The following MAP3K12 variants were observed in gnomAD, a reference collection of about 807,000 sequenced individuals.
MAP3K12 encodes MAPK-upstream kinase.
In MAP3K12, 14 loss-of-function variants were observed where a neutral mutation model predicts 87.5. The ratio of observed to expected loss-of-function variants is 0.16; its 90% CI spans 0.11 to 0.25. The LOEUF (loss-of-function observed/expected upper bound fraction) is 0.25, where lower values mean the gene tolerates loss of function less well. Ranked by LOEUF, MAP3K12 falls within the 10% of genes least tolerant of loss-of-function variation. The pLI, the probability that MAP3K12 is intolerant of heterozygous loss-of-function variation, is 1.00. For missense variants in MAP3K12, 802 were observed against 1,140.4 expected (o/e 0.70, Z 4.27); for synonymous variants, 469 against 452.5 (o/e 1.04, Z -0.46).
At chr12:53,481,594 C>A in intron 13 of MAP3K12, 1 of 319,150 alleles carries the variant, frequency 3.1e-6, no homozygotes, top group Admixed American at 4.5e-5. Flanking sequence ...GTGATCCACC[C>A]GCCTCGGCCT....
At position 53,484,352 on chromosome 12, in the gene MAP3K12, G is replaced by T. The variant is rs1186325896; in HGVS notation, c.1153C>A (p.Arg385=). ...ATCTGTCGGAATGATGGGCGATTTC[G>T]TGGTTTGCTATTCCTGAAAGGAATG... The part of the protein sequence containing the change: ...LLRQCWNSKP[R]NRPSFRQILL... The change falls in exon 7 of 14, where the codon CGA becomes AGA. Residue 385 remains arginine, a synonymous_variant. Transcript: ENST00000547488. The T allele has an allele frequency of 6.2e-7, 1 of 1,614,048 alleles. No homozygotes were observed. The highest frequency in any genetic ancestry group is 1.3e-5 in the African/African-American group (1 of 75,024).
At position 53,486,148 on chromosome 12, in the gene MAP3K12, G is replaced by C. The variant is rs1339324488; in HGVS notation, c.729C>G (p.Pro243=). 1.1e-5 allele frequency: 17 copies of C among 1,614,052 alleles called. No individual in the cohort carries two copies. The highest frequency in any genetic ancestry group is 2.2e-5 in the East Asian group (1 of 44,894). ...CCATGGACCAGTCAACCAGTAAGGA[G>C]GGGGTGACAGGGCGGCCAGCCCGCA... The part of the protein sequence containing the change: ...EVLRAGRPVT[P]SLLVDWSMGI... The change falls in exon 4 of 14, where the codon CCC becomes CCG. Residue 243 remains proline, a synonymous_variant. Coordinates refer to ENST00000547488, the MANE Select transcript of MAP3K12 (RefSeq NM_001193511.2). This position sits in a 1 kb window ranked among gnomAD's most constrained non-coding sequence, Gnocchi z 4.9.
chr12:53,489,857 G>T (rs1943353189), intron 1 of MAP3K12, among the ~76,000 whole-genome samples: 1 of 152,148 alleles, frequency 6.6e-6, no homozygotes, highest in Non-Finnish European at 1.5e-5. Context: ...GATTTGTAAA[G>T]CTCTAACCCA....
Position 53,481,682 on chromosome 12 carries a change from G to T in MAP3K12, c.2580+259C>A, listed in dbSNP as rs561735118. The T allele has an allele frequency of 2.2e-5, 10 of 453,856 alleles. No homozygotes were observed. The East Asian group carries it at 3.9e-4, about 18-fold the overall frequency. The allele number at this position is 453,856 out of a possible 1,614,324, so 28.1% of individuals were successfully genotyped here. A position where few individuals can be genotyped will look rare whatever the true frequency, so the allele number is the denominator to read the frequency against. On this transcript the variant is annotated intron_variant, in intron 13 of 13. Coordinates refer to ENST00000547488, the MANE Select transcript of MAP3K12 (RefSeq NM_001193511.2). ...GTTTTATTCCTTCCAGATTTCAGTT[G>T]CTCAGGCCATTCTCCAAGGTGTCAG...
intron 1 of MAP3K12, among the ~76,000 whole-genome samples, chr12:53,497,571 T>G (rs115846710): frequency 6.6e-6 from 1 of 152,166 alleles, no homozygotes; most frequent in Non-Finnish European, 1.5e-5. Flanking sequence ...CAGGCCCTCA[T>G]GAAGCCCCTA....
intron 1 of MAP3K12, among the ~76,000 whole-genome samples, chr12:53,492,345 G>A (rs1234010596): frequency 6.6e-6 from 1 of 152,180 alleles, no homozygotes; most frequent in African/African-American, 2.4e-5. Context: ...CATCACAAGG[G>A]AACCATGGCT....
chr12:53,497,401 C>A (rs1943565805), intron 1 of MAP3K12, among the ~76,000 whole-genome samples: 1 of 152,116 alleles, frequency 6.6e-6, no homozygotes, highest in Admixed American at 6.5e-5. Context: ...AAAAAAAAGA[C>A]CAAAGAATGA....
In MAP3K12 at chr12:53,487,212, C is replaced by G; in HGVS notation, c.180G>C (p.Gly60=). The G allele has an allele frequency of 1.2e-6, 2 of 1,613,214 alleles. No individual in the cohort carries two copies. The highest frequency in any genetic ancestry group is 1.7e-6 in the Non-Finnish European group (2 of 1,179,616). Residue 60 remains glycine, a synonymous_variant, in exon 2 of 14, where the codon GGG becomes GGC. Transcript: ENST00000547488. Reference sequence around the variant, plus strand: ...CACCTGGGGAGGGGCTGGGCCCTCCCCCACCCTGCCCACCAAGGGGTACCA... The same window carrying G: ...CACCTGGGGAGGGGCTGGGCCCTCCGCCACCCTGCCCACCAAGGGGTACCA... ...RDVVPLGGQG[G]GGPSPSPGGE...
Position 53,483,830 on chromosome 12 carries a change from C to T in MAP3K12, c.1358+81G>A, listed in dbSNP as rs79893253. On this transcript the variant is annotated intron_variant, in intron 8 of 13. Transcript: ENST00000547488. ...ACAGTCCTTTCGTAGTCCTTCCACCCGCCCTGGGGCTGGGTAGGAGCTGAC... is the reference window on the plus strand; with the variant it reads ...ACAGTCCTTTCGTAGTCCTTCCACCTGCCCTGGGGCTGGGTAGGAGCTGAC... 2.7e-5 allele frequency: 43 copies of T among 1,610,306 alleles called. 1 individual carries two copies. Among genetic ancestry groups the T allele is most frequent in the Middle Eastern group, 3.4e-4 (2 of 5,884 alleles).
rs1365965773 is a variant in MAP3K12 at position 53,483,123 on chromosome 12, A to G, written c.1680T>C (p.Leu560=). 6.6e-7 allele frequency: 1 copy of G among 1,521,144 alleles called. No homozygotes were observed. Among genetic ancestry groups the G allele is most frequent in the South Asian group, 1.3e-5 (1 of 75,396 alleles). 94.2% of individuals were successfully genotyped at this position (1,521,144 alleles called of 1,614,324 possible). A position where few individuals can be genotyped will look rare whatever the true frequency, so the allele number is the denominator to read the frequency against. Residue 560 remains leucine (L), a synonymous_variant, in exon 11 of 14, where the codon CTT becomes CTC. Transcript: ENST00000547488. ...AGGGGGGGCCCTTAGGACACCCAGG[A>G]AGCCCCACCCCACTCAGGGCTGCAT... ...KLDAALSGVG[L]PGCPKGPPSP... is the part of the protein sequence containing the mutation.
Position 53,483,138 on chromosome 12 carries a change from C to A in MAP3K12, c.1665G>T (p.Leu555=), listed in dbSNP as rs766343982. ...ESLLPKLDAA[L]SGVGLPGCPK... ...GACACCCAGGAAGCCCCACCCCACTCAGGGCTGCATCTAGTTTAGGGAGCA... is the reference window on the plus strand; with the variant it reads ...GACACCCAGGAAGCCCCACCCCACTAAGGGCTGCATCTAGTTTAGGGAGCA... Residue 555 remains leucine (L), a synonymous_variant, in exon 11 of 14, where the codon CTG becomes CTT. Coordinates refer to ENST00000547488, the MANE Select transcript of MAP3K12 (RefSeq NM_001193511.2). The A allele has an allele frequency of 6.6e-7, 1 of 1,521,008 alleles. No homozygotes were observed. Among genetic ancestry groups the A allele is most frequent in the Non-Finnish European group, 8.8e-7 (1 of 1,136,786 alleles). 94.2% of individuals were successfully genotyped at this position (1,521,008 alleles called of 1,614,324 possible). A position where few individuals can be genotyped will look rare whatever the true frequency, so the allele number is the denominator to read the frequency against.
Position 53,489,079 on chromosome 12 carries a change from CA to C in MAP3K12, c.-37-1652del, listed in dbSNP as rs925604046. 5.3e-3 allele frequency among the ~76,000 whole-genome samples: 246 copies of C among 46,432 alleles called. 1 individual carries two copies. The highest frequency in any genetic ancestry group is 0.019 in the South Asian group (27 of 1,388). 30.5% of individuals were successfully genotyped at this position (46,432 alleles called of 152,430 possible). A position where few individuals can be genotyped will look rare whatever the true frequency, so the allele number is the denominator to read the frequency against. On this transcript the variant is annotated intron_variant, in intron 1 of 13. Coordinates refer to ENST00000547488, the MANE Select transcript of MAP3K12 (RefSeq NM_001193511.2). Reference sequence around the variant, plus strand: ...TGGGCGACAGAGTGAAACTCTGTCTCAAAAAAAAAAAAAAAAAAAAAAGTTT... The same window carrying C: ...TGGGCGACAGAGTGAAACTCTGTCTCAAAAAAAAAAAAAAAAAAAAAGTTT...
At position 53,481,188 on chromosome 12, in the gene MAP3K12, A is replaced by AGGG; in HGVS notation, c.2670_2672dup (p.Pro891dup). On this transcript the variant is annotated inframe_insertion, in exon 14 of 14. Transcript: ENST00000547488. Reference sequence around the variant, plus strand: ...CAAGGAATACGAGTGGCTTTCATGGAGGGAGGGAAGCTGGGGGCCGCAAGG... The same window carrying AGGG: ...CAAGGAATACGAGTGGCTTTCATGGAGGGGGGAGGGAAGCTGGGGGCCGCAAGG... The AGGG allele has an allele frequency of 2.0e-6, 3 of 1,509,152 alleles. No homozygotes were observed. The highest frequency in any genetic ancestry group is 2.7e-6 in the Non-Finnish European group (3 of 1,124,792). 93.5% of individuals were successfully genotyped at this position (1,509,152 alleles called of 1,614,324 possible).
At chr12:53,497,216 G>C (rs1055733080) in intron 1 of MAP3K12, among the ~76,000 whole-genome samples, 2 of 152,186 alleles carry the variant, frequency 1.3e-5, no homozygotes, top group African/African-American at 4.8e-5. Flanking sequence ...TCTTGGCCCA[G>C]GACCTGGCAC....
Position 53,482,378 on chromosome 12 carries a change from G to A in MAP3K12, c.2239-9C>T, listed in dbSNP as rs1943081706. ...GATGAGATGCCACGTTTCTGCAGGAGAGATGGGGTGGGGGGGGTCTGATTA... is the reference window on the plus strand; with the variant it reads ...GATGAGATGCCACGTTTCTGCAGGAAAGATGGGGTGGGGGGGGTCTGATTA... On this transcript the variant is annotated splice_polypyrimidine_tract_variant and intron_variant, in intron 11 of 13. Coordinates refer to ENST00000547488, the MANE Select transcript of MAP3K12 (RefSeq NM_001193511.2). 1 of 1,613,556 alleles carries A rather than the reference G, an allele frequency of 6.2e-7. No individual in the cohort carries two copies. The highest frequency in any genetic ancestry group is 8.5e-7 in the Non-Finnish European group (1 of 1,179,866).
At chr12:53,491,607 C>G (rs1470291028) in intron 1 of MAP3K12, among the ~76,000 whole-genome samples, 1 of 151,354 alleles carries the variant, frequency 6.6e-6, no homozygotes, top group Non-Finnish European at 1.5e-5. Flanking sequence ...CTAATTTTTT[C>G]TGTGTTTAGT....
Position 53,480,682 on chromosome 12 carries a change from T to A in MAP3K12, c.*500A>T, listed in dbSNP as rs1488021139. 1.3e-5 allele frequency: 2 copies of A among 152,288 alleles called. No individual in the cohort carries two copies. Among genetic ancestry groups the A allele is most frequent in the East Asian group, 1.9e-4 (1 of 5,180 alleles). The allele number at this position is 152,288 out of a possible 1,614,324, so 9.4% of individuals were successfully genotyped here. A position where few individuals can be genotyped will look rare whatever the true frequency, so the allele number is the denominator to read the frequency against. On this transcript the variant is annotated 3_prime_UTR_variant, in exon 14 of 14. Transcript: ENST00000547488. Reference sequence around the variant, plus strand: ...TAAGACAGGGCTTGGGCAGAGAAGATAAATGGTGGGACAAAAAAATGAGTT... The same window carrying A: ...TAAGACAGGGCTTGGGCAGAGAAGAAAAATGGTGGGACAAAAAAATGAGTT...
At chr12:53,490,641 G>T (rs1943372974) in intron 1 of MAP3K12, among the ~76,000 whole-genome samples, 1 of 151,912 alleles carries the variant, frequency 6.6e-6, no homozygotes, top group South Asian at 2.1e-4. Context: ...CTACTCGGGA[G>T]GCTGAGGCAG....
chr12:53,501,145 C>T (rs981369502), upstream of MAP3K12: 1 of 548,742 alleles, frequency 1.8e-6, no homozygotes, highest in Non-Finnish European at 3.3e-6. Context: ...TCTCGAGAAG[C>T]GACGGCGGAG....
Sources: allele counts gnomAD v4.1 joint callset (sites outside exome capture counted in the v4.1 genomes callset), GRCh38; gene constraint gnomAD v4.1.1; non-coding constraint Gnocchi (gnomAD v3.1); transcripts MANE v1.5; gene names NCBI Gene and HGNC (gene_info 2026-07-23, HGNC 2026-07-21).